ELP3: variants seen among roughly 807,000 people sequenced by gnomAD.
The protein encoded by ELP3 is elongator complex protein 3.
A neutral mutation model predicts 74.9 loss-of-function variants in ELP3; 56 were observed. The observed-to-expected ratio is 0.75, with a 90% CI of 0.60 to 0.93. The LOEUF is 0.93. ELP3 is among the 40% of genes least tolerant of loss of function. The probability of loss-of-function intolerance (pLI) is 0.00; values close to 1 mark genes in which losing one functional copy is unlikely to be tolerated. For synonymous variants in ELP3, 222 were observed against 239.8 expected (o/e 0.93, Z 0.68); for missense variants, 573 against 686.5 (o/e 0.83, Z 1.85).
At chr8:28,125,801 C>A (rs1024256365) in intron 7 of ELP3, among the ~76,000 whole-genome samples, 1 of 137,886 alleles carries the variant, frequency 7.3e-6, no homozygotes, top group Non-Finnish European at 1.5e-5. Flanking sequence ...CTTATCCCCC[C>A]AGCTAGATTG....
intron 14 of ELP3, among the ~76,000 whole-genome samples, chr8:28,180,805 C>T (rs1199565327): frequency 6.6e-6 from 1 of 152,174 alleles, no homozygotes; most frequent in Non-Finnish European, 1.5e-5. Context: ...AATTCAGAGC[C>T]TTTCAGAATA....
chr8:28,148,886 A>C (rs570440223), intron 10 of ELP3, among the ~76,000 whole-genome samples: 2 of 152,228 alleles, frequency 1.3e-5, no homozygotes, highest in African/African-American at 2.4e-5. Context: ...ACAAAAAAAT[A>C]AAAATTCATG....
chr8:28,119,454 G>A (rs1226365116), intron 7 of ELP3, among the ~76,000 whole-genome samples: 2 of 151,168 alleles, frequency 1.3e-5, no homozygotes, highest in African/African-American at 2.4e-5. Context: ...TAAGTTGTAT[G>A]CTTCAGTACA....
chr8:28,110,704 G>A, intron 6 of ELP3: 1 of 334,506 alleles, frequency 3.0e-6, no homozygotes, highest in Non-Finnish European at 5.4e-6. Context: ...TTTGTAGTAT[G>A]AAATTTGTGG....
intron 7 of ELP3, chr8:28,129,218 A>G (rs1812697982): frequency 3.8e-6 from 1 of 266,624 alleles, no homozygotes; most frequent in Non-Finnish European, 7.1e-6. Context: ...TAATGATGAT[A>G]ATAACATTAC....
In ELP3 at chr8:28,105,257, G is replaced by C. The variant is rs1026057638; in HGVS notation, c.259-1456G>C. ...TACAAAAAATTAGCCAGGCATGGTG[G>C]CACATGCCTGTAATCCCAGCTACTT... On this transcript the variant is annotated intron_variant, in intron 3 of 14. Coordinates refer to ENST00000256398, the MANE Select transcript of ELP3 (RefSeq NM_018091.6). Among the ~76,000 whole-genome samples the C allele has an allele frequency of 2.0e-5, 3 of 152,270 alleles. No homozygotes were observed. In the South Asian group the frequency reaches 6.2e-4, roughly 32 times the overall value.
chr8:28,094,227 C>G (rs1313619691), intron 1 of ELP3, among the ~76,000 whole-genome samples: 1 of 152,202 alleles, frequency 6.6e-6, no homozygotes, highest in East Asian at 1.9e-4. Context: ...CATGTTGATT[C>G]TTACTTAGAA....
intron 4 of ELP3, 52 bp from the exon 5 acceptor site, chr8:28,107,861 G>A: frequency 6.8e-7 from 1 of 1,464,846 alleles, no homozygotes; most frequent in South Asian, 1.2e-5. Context: ...GGAACTAGCT[G>A]ATTGAACTCA....
chr8:28,091,840 G>A (rs1811063260), upstream of ELP3, among the ~76,000 whole-genome samples: 1 of 152,154 alleles, frequency 6.6e-6, no homozygotes, highest in Non-Finnish European at 1.5e-5. Flanking sequence ...TTCCAAAGAG[G>A]GTTTTGAGGA....
intron 12 of ELP3, among the ~76,000 whole-genome samples, chr8:28,159,594 A>T (rs1006850675): frequency 6.6e-6 from 1 of 152,220 alleles, no homozygotes; most frequent in South Asian, 2.1e-4. Flanking sequence ...CATTTGTACA[A>T]TGAGCTGAAG....
At chr8:28,093,935 G>A (rs571929684) in intron 1 of ELP3, among the ~76,000 whole-genome samples, 1 of 152,318 alleles carries the variant, frequency 6.6e-6, no homozygotes, top group Admixed American at 6.5e-5. Flanking sequence ...AAAGAGTTAA[G>A]TAACTTTCCC....
At chr8:28,181,004 A>C (rs1814989226) in intron 14 of ELP3, among the ~76,000 whole-genome samples, 1 of 152,112 alleles carries the variant, frequency 6.6e-6, no homozygotes, top group Non-Finnish European at 1.5e-5. Flanking sequence ...TGGTGGCCGC[A>C]AGACACTGCC....
chr8:28,181,908 G>A (rs1815025039), intron 14 of ELP3, among the ~76,000 whole-genome samples: 1 of 152,170 alleles, frequency 6.6e-6, no homozygotes, highest in South Asian at 2.1e-4. Flanking sequence ...TGCCTGGCAG[G>A]TATTTAAATC....
intron 14 of ELP3, among the ~76,000 whole-genome samples, chr8:28,182,089 A>C (rs1363478535): frequency 6.6e-6 from 1 of 152,122 alleles, no homozygotes; most frequent in Non-Finnish European, 1.5e-5. Context: ...TTAGTGTCCA[A>C]AGGCTTTACT....
rs770869260 is a variant in ELP3 at position 28,160,275 on chromosome 8, C to T, written c.1304C>T (p.Thr435Ile). The T allele has an allele frequency of 1.7e-5, 27 of 1,613,968 alleles. No individual in the cohort carries two copies. The Admixed American group carries it at 3.0e-4, about 18-fold the overall frequency. The stretch of plus-strand genomic sequence containing the variant: ...TATGTTGCAAATGGTGGCTGGGAAA[C>T]ATTCTTGTCATACGAAGACCCAGAT... ...RDYVANGGWE[T>I]FLSYEDPDQD... Residue 435 changes from threonine (T) to isoleucine (I), a missense_variant, in exon 13 of 15, where the codon ACA becomes ATA. Transcript: ENST00000256398.
chr8:28,107,328 TCA>T (rs1486341944), intron 4 of ELP3, among the ~76,000 whole-genome samples: 2 of 152,228 alleles, frequency 1.3e-5, no homozygotes, highest in Admixed American at 6.5e-5. Flanking sequence ...GTTATGGAAC[TCA>T]CAACAGTAGA....
intron 14 of ELP3, among the ~76,000 whole-genome samples, chr8:28,188,016 A>G (rs1442211122): frequency 1.3e-5 from 2 of 152,252 alleles, no homozygotes; most frequent in East Asian, 3.9e-4. Flanking sequence ...GAGACTAAGG[A>G]AGGGCAGCCA....
chr8:28,157,951 A>T (rs1291784809), intron 11 of ELP3, among the ~76,000 whole-genome samples: 2 of 151,046 alleles, frequency 1.3e-5, no homozygotes, highest in Admixed American at 1.3e-4. Flanking sequence ...TGTAATACAT[A>T]GCTCTAGGTT....
chr8:28,156,928 A>G (rs1292468015), intron 11 of ELP3, among the ~76,000 whole-genome samples: 1 of 152,218 alleles, frequency 6.6e-6, no homozygotes, highest in Non-Finnish European at 1.5e-5. Flanking sequence ...CTACCAAAAA[A>G]AAAGTGAACA....
Sources: allele counts gnomAD v4.1 joint callset (sites outside exome capture counted in the v4.1 genomes callset), GRCh38; gene constraint gnomAD v4.1.1; transcripts MANE v1.5; gene names NCBI Gene and HGNC (gene_info 2026-07-23, HGNC 2026-07-21).